Variants in SPAG6 observed in about 807,000 individuals in gnomAD.
The protein encoded by SPAG6 is sperm-associated antigen 6.
Under a neutral mutation model 58.5 loss-of-function variants are expected in SPAG6, and 49 were observed. That is an observed-to-expected ratio of 0.84 (90% confidence interval 0.67 to 1.06). SPAG6 has a LOEUF of 1.06. Among genes scored for constraint, SPAG6 ranks in the 50% least tolerant of loss-of-function variants. The pLI is 0.00. For synonymous variants in SPAG6, 233 were observed against 225.6 expected, an observed-to-expected ratio of 1.03 and a Z score of -0.29; for missense variants, 560 against 611.3, an observed-to-expected ratio of 0.92 and a Z score of 0.89.
intron 4 of SPAG6, among the ~76,000 whole-genome samples, chr10:22,375,989 A>G (rs891235421): frequency 1.3e-5 from 2 of 152,186 alleles, no homozygotes; most frequent in African/African-American, 4.8e-5. Context: ...CAGTGTTCGC[A>G]GTATGGTAGC....
intron 4 of SPAG6, among the ~76,000 whole-genome samples, chr10:22,379,746 A>C (rs745413424): frequency 1.3e-5 from 2 of 152,234 alleles, no homozygotes; most frequent in Non-Finnish European, 2.9e-5. Context: ...GTGATGTTAC[A>C]TAGCAGTAGA....
chr10:22,380,386 T>G (rs1262084953), intron 4 of SPAG6, among the ~76,000 whole-genome samples: 1 of 151,208 alleles, frequency 6.6e-6, no homozygotes, highest in Non-Finnish European at 1.5e-5. Context: ...TCACAGAAAC[T>G]TCTGCCTCCT....
At chr10:22,346,468 T>C (rs768251663) in intron 2 of SPAG6, among the ~76,000 whole-genome samples, 2 of 141,206 alleles carry the variant, frequency 1.4e-5, no homozygotes, top group African/African-American at 3.1e-5. Context: ...TTCTTCTTCT[T>C]CTTCTTCTTC....
chr10:22,416,696 TA>T lies in SPAG6; in HGVS notation c.*9del. ...CAACCACTTAATAACTGAGCAAAGT[TA>T]TATTGTGATACTCAAATTCACAGCA... On this transcript the variant is annotated 3_prime_UTR_variant, in exon 11 of 11. Coordinates refer to ENST00000376624, the MANE Select transcript of SPAG6 (RefSeq NM_012443.4). The T allele has an allele frequency of 6.5e-7, 1 of 1,548,982 alleles. No homozygotes were observed. The highest frequency in any genetic ancestry group is 8.9e-7 in the Non-Finnish European group (1 of 1,121,970).
intron 7 of SPAG6, 113 bp downstream of exon 7, chr10:22,389,425 C>T (rs1404642652): frequency 5.5e-6 from 6 of 1,098,292 alleles, no homozygotes; most frequent in Non-Finnish European, 6.4e-6. Flanking sequence ...AAAAAAATTA[C>T]CTGAAAAAAA....
At chr10:22,394,018 T>G (rs1834239022) in intron 8 of SPAG6, among the ~76,000 whole-genome samples, 1 of 152,212 alleles carries the variant, frequency 6.6e-6, no homozygotes, top group Non-Finnish European at 1.5e-5. Flanking sequence ...TGAGCAATCT[T>G]TTGGAATTTC....
chr10:22,365,416 GT>G (rs1837168983), intron 3 of SPAG6, among the ~76,000 whole-genome samples: 1 of 152,152 alleles, frequency 6.6e-6, no homozygotes, highest in Non-Finnish European at 1.5e-5. Context: ...GAGGCAAGGG[GT>G]AGAGAAGCAA....
At position 22,380,412 on chromosome 10, in the gene SPAG6, T is replaced by C. The variant is rs146814576; in HGVS notation, c.473-6342T>C. 7.9e-4 allele frequency among the ~76,000 whole-genome samples: 120 copies of C among 152,246 alleles called. 1 individual carries two copies. The East Asian group carries it at 0.022, about 28-fold the overall frequency. On this transcript the variant is annotated intron_variant, in intron 4 of 10. Coordinates refer to ENST00000376624, the MANE Select transcript of SPAG6 (RefSeq NM_012443.4). Reference sequence around the variant, plus strand: ...TCTGCCTCCTGGGTTCAAGGGGTCCTCCCACCTCAGCCTCCCGAGTAGCTA... The same window carrying C: ...TCTGCCTCCTGGGTTCAAGGGGTCCCCCCACCTCAGCCTCCCGAGTAGCTA...
intron 2 of SPAG6, among the ~76,000 whole-genome samples, chr10:22,352,331 T>A (rs1433040059): frequency 6.6e-6 from 1 of 152,180 alleles, no homozygotes. Context: ...ATTATATTAG[T>A]TTCCCATATA....
rs573359194 is a variant in SPAG6 at position 22,389,976 on chromosome 10, C to A, written c.1005+664C>A. ...TGATCTCTGGACGAATGCTTCAAAG[C>A]CTGTGTGCTTACAGTGTGTGCGGTG... On this transcript the variant is annotated intron_variant, in intron 7 of 10. Coordinates refer to ENST00000376624, the MANE Select transcript of SPAG6 (RefSeq NM_012443.4). 2.0e-5 allele frequency among the ~76,000 whole-genome samples: 3 copies of A among 152,224 alleles called. No individual in the cohort carries two copies. The South Asian group carries it at 6.2e-4, about 32-fold the overall frequency.
chr10:22,367,523 G>A (rs1190820158), intron 3 of SPAG6, among the ~76,000 whole-genome samples: 2 of 152,000 alleles, frequency 1.3e-5, no homozygotes, highest in Non-Finnish European at 2.9e-5. Context: ...TTCAAAACAG[G>A]TGCTGTAGTC....
chr10:22,369,260 G>A (rs1392355458), intron 4 of SPAG6, among the ~76,000 whole-genome samples: 1 of 152,148 alleles, frequency 6.6e-6, no homozygotes, highest in African/African-American at 2.4e-5. Context: ...ACAGCTCAGT[G>A]GGGTCATCAA....
chr10:22,369,924 C>T (rs1355861975), intron 4 of SPAG6, among the ~76,000 whole-genome samples: 1 of 152,064 alleles, frequency 6.6e-6, no homozygotes, highest in African/African-American at 2.4e-5. Flanking sequence ...GAGAATTCAT[C>T]CTAAGGAAAG....
intron 8 of SPAG6, among the ~76,000 whole-genome samples, chr10:22,399,048 A>G (rs1834355597): frequency 6.6e-6 from 1 of 152,068 alleles, no homozygotes; most frequent in African/African-American, 2.4e-5. Context: ...CGAACTCCTG[A>G]CCTCAGGTGA....
At chr10:22,400,462 A>G (rs1834383098) in intron 8 of SPAG6, among the ~76,000 whole-genome samples, 1 of 152,046 alleles carries the variant, frequency 6.6e-6, no homozygotes, top group South Asian at 2.1e-4. Context: ...CTCCACTTGT[A>G]GCAAGGGTCA....
intron 8 of SPAG6, among the ~76,000 whole-genome samples, chr10:22,394,170 C>G (rs1444382502): frequency 6.6e-6 from 1 of 152,156 alleles, no homozygotes; most frequent in Non-Finnish European, 1.5e-5. Flanking sequence ...TTTGTAAATA[C>G]TTTCTCACAT....
At chr10:22,375,724 G>A (rs1025780593) in intron 4 of SPAG6, among the ~76,000 whole-genome samples, 24 of 151,484 alleles carry the variant, frequency 1.6e-4, no homozygotes, top group African/African-American at 3.4e-4. Context: ...GATTACAGGC[G>A]CCTGCCACCA....
chr10:22,408,657 G>T (rs1460615984), intron 9 of SPAG6, among the ~76,000 whole-genome samples: 1 of 152,178 alleles, frequency 6.6e-6, no homozygotes, highest in Non-Finnish European at 1.5e-5. Flanking sequence ...GCTGTGGTGG[G>T]CTGCACCCAG....
chr10:22,369,652 C>T (rs1162379560), intron 4 of SPAG6, among the ~76,000 whole-genome samples: 2 of 152,118 alleles, frequency 1.3e-5, no homozygotes, highest in African/African-American at 4.8e-5. Context: ...ACCTTAGCTT[C>T]CTCATCTGTG....
Sources: gnomAD v4.1 joint callset for allele counts (sites outside exome capture counted in the v4.1 genomes callset) on GRCh38, gnomAD v4.1.1 for gene constraint, MANE v1.5 for transcripts, NCBI Gene and HGNC (gene_info 2026-07-23, HGNC 2026-07-21) for gene names.